Variants in DOCK3 observed in about 807,000 individuals in gnomAD.
DOCK3 encodes the protein dedicator of cytokinesis 3, also known as dedicator of cytokinesis protein 3.
In DOCK3, 60 loss-of-function variants were observed where a neutral mutation model predicts 265.6. The observed-to-expected ratio is 0.23, with a 90% CI of 0.18 to 0.28. DOCK3 has a LOEUF of 0.28. Among genes scored for constraint, DOCK3 ranks in the 10% least tolerant of loss-of-function variants. DOCK3 has a pLI of 1.00. For synonymous variants in DOCK3, 881 were observed against 938.0 expected (o/e 0.94, Z 1.11); for missense variants, 1,981 against 2,594.3 (o/e 0.76, Z 5.14).
At chr3:50,803,741 G>A (rs960716256) in intron 2 of DOCK3, among the ~76,000 whole-genome samples, 1 of 145,042 alleles carries the variant, frequency 6.9e-6, no homozygotes, top group African/African-American at 2.5e-5. Context: ...CTGGCCGGGC[G>A]GGGGCTGCCC....
At chr3:51,193,435 G>C (rs1481658039) in intron 12 of DOCK3, among the ~76,000 whole-genome samples, 1 of 152,096 alleles carries the variant, frequency 6.6e-6, no homozygotes, top group Non-Finnish European at 1.5e-5. Flanking sequence ...GATCTTGTAG[G>C]ATGAATTAGA....
At chr3:50,826,919 C>T (rs2107023523) in intron 2 of DOCK3, among the ~76,000 whole-genome samples, 1 of 152,092 alleles carries the variant, frequency 6.6e-6, no homozygotes, top group East Asian at 1.9e-4. Flanking sequence ...TTCAGAAGCA[C>T]ATAAGAGAGA....
Position 50,675,562 on chromosome 3 carries a change from C to T in DOCK3, c.37+262C>T, listed in dbSNP as rs1239612156. ...GGCCCGCGGGAGGGGTGGGCAAGGC[C>T]CGGGCAGTTGCCCGAGGTTTCTGGT... On this transcript the variant is annotated intron_variant, in intron 1 of 52. Coordinates refer to ENST00000266037, the MANE Select transcript of DOCK3 (RefSeq NM_004947.5). This position sits in a 1 kb window ranked among gnomAD's most constrained non-coding sequence, Gnocchi z 6.1. 6.6e-6 allele frequency among the ~76,000 whole-genome samples: 1 copy of T among 152,248 alleles called. No individual in the cohort carries two copies. The highest frequency in any genetic ancestry group is 2.1e-4 in the South Asian group (1 of 4,830).
intron 9 of DOCK3, among the ~76,000 whole-genome samples, chr3:51,144,288 C>A (rs2085196649): frequency 6.6e-6 from 1 of 152,158 alleles, no homozygotes; most frequent in Non-Finnish European, 1.5e-5. Context: ...TTTCCTACTC[C>A]TCACACTGGC....
chr3:50,854,198 C>A (rs1185345035), intron 3 of DOCK3, among the ~76,000 whole-genome samples: 1 of 152,030 alleles, frequency 6.6e-6, no homozygotes, highest in Non-Finnish European at 1.5e-5. Context: ...CTTATAGATT[C>A]TAGATAGTAG....
intron 12 of DOCK3, among the ~76,000 whole-genome samples, chr3:51,193,844 C>T (rs1442250622): frequency 8.1e-5 from 8 of 98,754 alleles, no homozygotes; most frequent in African/African-American, 2.7e-4. Flanking sequence ...AGCAGTTTAT[C>T]AGTTTTGTTT....
intron 12 of DOCK3, among the ~76,000 whole-genome samples, chr3:51,190,035 T>C (rs2087850744): frequency 6.6e-6 from 1 of 152,156 alleles, no homozygotes; most frequent in Admixed American, 6.5e-5. Flanking sequence ...GCTTTCTGAC[T>C]GTTGGGGTAC....
rs535423027 is a variant in DOCK3, at chr3:51,151,752, T to C, written c.828+5122T>C. Among the ~76,000 whole-genome samples the C allele has an allele frequency of 1.4e-4, 22 of 152,322 alleles. No homozygotes were observed. In the South Asian group the frequency reaches 3.3e-3, roughly 23 times the overall value. ...AAGGATTTTATTTCTCCTTCACTTATGTAGCTTAGTTTGGCTGCATATGAA... is the reference window on the plus strand; with the variant it reads ...AAGGATTTTATTTCTCCTTCACTTACGTAGCTTAGTTTGGCTGCATATGAA... On this transcript the variant is annotated intron_variant, in intron 10 of 52. Coordinates refer to ENST00000266037, the MANE Select transcript of DOCK3 (RefSeq NM_004947.5).
At chr3:51,032,735 T>C (rs1301190186) in intron 5 of DOCK3, among the ~76,000 whole-genome samples, 1 of 152,010 alleles carries the variant, frequency 6.6e-6, no homozygotes, top group African/African-American at 2.4e-5. Flanking sequence ...TAATGAGACC[T>C]TGTCTCTAAA....
At chr3:50,848,690 G>A (rs1205168772) in intron 3 of DOCK3, among the ~76,000 whole-genome samples, 1 of 152,162 alleles carries the variant, frequency 6.6e-6, no homozygotes, top group Non-Finnish European at 1.5e-5. Flanking sequence ...ATTGTATGCG[G>A]TCTGATGTTT....
intron 49 of DOCK3, among the ~76,000 whole-genome samples, chr3:51,372,812 A>C (rs560842976): frequency 6.6e-6 from 1 of 152,118 alleles, no homozygotes; most frequent in Non-Finnish European, 1.5e-5. Context: ...GGAAAGCACT[A>C]TATTGGTCAG....
intron 3 of DOCK3, among the ~76,000 whole-genome samples, chr3:50,870,554 G>A (rs910233257): frequency 3.3e-5 from 5 of 151,894 alleles, no homozygotes; most frequent in African/African-American, 1.2e-4. Flanking sequence ...TTGCGTTTTC[G>A]TTTATTCAAC....
intron 1 of DOCK3, among the ~76,000 whole-genome samples, chr3:50,773,267 C>G (rs1021755630): frequency 1.1e-4 from 17 of 152,084 alleles, no homozygotes; most frequent in Admixed American, 2.6e-4. Context: ...CTATCTCTTA[C>G]CATTTACAAG....
chr3:51,083,896 A>C (rs2082327164), intron 7 of DOCK3, among the ~76,000 whole-genome samples: 1 of 152,164 alleles, frequency 6.6e-6, no homozygotes, highest in Non-Finnish European at 1.5e-5. Context: ...AGGCAGGAGA[A>C]TCACTTGAAC....
In DOCK3 at chr3:51,361,956, T is replaced by C; in HGVS notation, c.5104T>C (p.Ser1702Pro). 1 of 1,611,552 alleles carries C rather than the reference T, an allele frequency of 6.2e-7. No individual in the cohort carries two copies. The highest frequency in any genetic ancestry group is 8.5e-7 in the Non-Finnish European group (1 of 1,178,936). ...AAACATGGTGATGCTGGGTGACGGC[T>C]CCATGGGTGATGCTCCTGAGGACCT... ...AGNMVMLGDG[S>P]MGDAPEDLYH... The change falls in exon 48 of 53, where the codon TCC (serine) becomes CCC (proline). Residue 1702 changes from serine to proline, a missense_variant. Ser to Pro is a moderately conservative substitution (Grantham distance 74). Around this residue, in one of 4 missense-constraint regions of DOCK3, gnomAD observed 1,357 missense variants for 1,866.8 expected, o/e 0.73. Coordinates refer to ENST00000266037, the MANE Select transcript of DOCK3 (RefSeq NM_004947.5). The surrounding 1 kb of genome is among the most constrained non-coding windows in gnomAD (Gnocchi z 4.2).
intron 2 of DOCK3, among the ~76,000 whole-genome samples, chr3:50,839,988 C>G (rs2045740395): frequency 6.6e-6 from 1 of 151,534 alleles, no homozygotes; most frequent in African/African-American, 2.4e-5. Context: ...AGGCTAGTCT[C>G]AAACTCCTGA....
At chr3:50,840,442 AGTT>A (rs2107244866) in intron 2 of DOCK3, among the ~76,000 whole-genome samples, 1 of 152,350 alleles carries the variant, frequency 6.6e-6, no homozygotes, top group South Asian at 2.1e-4. Context: ...ATGGATGTCC[AGTT>A]GTTCCAGCAC....
At position 50,675,224 on chromosome 3, in the gene DOCK3, G is replaced by C; in HGVS notation, c.-40G>C. 2 of 1,136,828 alleles carry C rather than the reference G, an allele frequency of 1.8e-6. No homozygotes were observed. Among genetic ancestry groups the C allele is most frequent in the Non-Finnish European group, 2.2e-6 (2 of 922,094 alleles). The allele number at this position is 1,136,828 out of a possible 1,614,324, so 70.4% of individuals were successfully genotyped here. On this transcript the variant is annotated 5_prime_UTR_variant, in exon 1 of 53. Transcript: ENST00000266037. The surrounding 1 kb of genome is among the most constrained non-coding windows in gnomAD (Gnocchi z 6.1). The stretch of plus-strand genomic sequence containing the variant: ...CCGCGGCCGTCCCCGCCGCGTTGTC[G>C]CCCGGTCGCCGCGCCCGCGGGGCCG...
intron 10 of DOCK3, among the ~76,000 whole-genome samples, chr3:51,156,189 C>CA (rs1261497893): frequency 5.9e-5 from 9 of 151,536 alleles, no homozygotes; most frequent in East Asian, 5.8e-4. Context: ...CATTATCTCC[C>CA]AAAAAAAAGG....
Sources: gnomAD v4.1 joint callset for allele counts (sites outside exome capture counted in the v4.1 genomes callset) on GRCh38, gnomAD v4.1.1 for gene constraint, gnomAD v4.1.1 regional missense constraint, Gnocchi (gnomAD v3.1) non-coding constraint, MANE v1.5 for transcripts, NCBI Gene and HGNC (gene_info 2026-07-23, HGNC 2026-07-21) for gene names.